The following TENM3 variants were observed in gnomAD, a reference collection of about 807,000 sequenced individuals.
The protein encoded by TENM3 is teneurin-3.
A neutral mutation model predicts 255.1 loss-of-function variants in TENM3; 63 were observed. That is an observed-to-expected ratio of 0.25 (90% CI 0.20 to 0.30). The LOEUF (loss-of-function observed/expected upper bound fraction) is 0.30, where lower values mean the gene tolerates loss of function less well. Among genes scored for constraint, TENM3 ranks in the 10% least tolerant of loss-of-function variants. TENM3 has a pLI of 1.00. For missense variants in TENM3, 2,929 were observed against 3,461.1 expected (o/e 0.85, Z 3.86); for synonymous variants, 1,306 against 1,322.3 (o/e 0.99, Z 0.27).
chr4:181,907,258 A>G, the TENM3 span, among the ~76,000 whole-genome samples: 1 of 152,238 alleles, frequency 6.6e-6, no homozygotes, highest in Non-Finnish European at 1.5e-5. Context: ...GGAGTGCAAC[A>G]GGGAGCCAGG....
chr4:182,744,116 T>TTTA (rs1491399810), intron 19 of TENM3: 3 of 781,712 alleles, frequency 3.8e-6, no homozygotes, highest in Non-Finnish European at 4.7e-6. Flanking sequence ...TTTTTTTTTT[T>TTTA]ACCTTTTTTT....
intron 1 of TENM3, among the ~76,000 whole-genome samples, chr4:182,217,145 C>T (rs1340310638): frequency 2.0e-5 from 3 of 150,306 alleles, no homozygotes; most frequent in South Asian, 2.1e-4. Context: ...CTCAGCCTCC[C>T]GAGCAGCTGG....
the TENM3 span, among the ~76,000 whole-genome samples, chr4:181,537,436 G>A: frequency 6.6e-6 from 1 of 152,126 alleles, no homozygotes; most frequent in Admixed American, 6.5e-5. Context: ...GAGCAAGTCA[G>A]TAAACCTCAC....
chr4:182,189,114 T>G (rs544895261), intron 1 of TENM3, among the ~76,000 whole-genome samples: 2 of 152,250 alleles, frequency 1.3e-5, no homozygotes, highest in African/African-American at 4.8e-5. Context: ...TTAAATGTAT[T>G]TTTTGTATTC....
chr4:182,295,157 T>A (rs1178822036), intron 1 of TENM3, among the ~76,000 whole-genome samples: 1 of 151,988 alleles, frequency 6.6e-6, no homozygotes, highest in Non-Finnish European at 1.5e-5. Context: ...TAATTAAATT[T>A]CCTGGAAAGA....
chr4:181,839,666 G>T, the TENM3 span, among the ~76,000 whole-genome samples: 1 of 150,916 alleles, frequency 6.6e-6, no homozygotes, highest in Non-Finnish European at 1.5e-5. Context: ...CGAGAAGTTT[G>T]GGGGTGCTTT....
the TENM3 span, among the ~76,000 whole-genome samples, chr4:181,711,592 CAATG>C: frequency 1.3e-5 from 2 of 152,156 alleles, no homozygotes; most frequent in Admixed American, 6.5e-5. Flanking sequence ...GCAATAAAGT[CAATG>C]AATGAATGGA....
At chr4:182,760,798 A>G (rs1763124296) in intron 22 of TENM3, among the ~76,000 whole-genome samples, 1 of 152,154 alleles carries the variant, frequency 6.6e-6, no homozygotes, top group Admixed American at 6.5e-5. Flanking sequence ...GCCCATGGCA[A>G]ACCCACGACT....
At chr4:181,851,431 T>A in the TENM3 span, among the ~76,000 whole-genome samples, 1 of 152,262 alleles carries the variant, frequency 6.6e-6, no homozygotes, top group East Asian at 1.9e-4. Context: ...GTTTTAGCAC[T>A]CCCAGAAGAG....
the TENM3 span, chr4:181,876,982 A>G: frequency 2.6e-5 from 4 of 152,158 alleles, no homozygotes; most frequent in East Asian, 7.7e-4. Context: ...TCTCAGAGTT[A>G]TTGGAAAGTG....
At chr4:182,420,991 C>A (rs1770793955) in intron 3 of TENM3, among the ~76,000 whole-genome samples, 1 of 152,150 alleles carries the variant, frequency 6.6e-6, no homozygotes, top group Admixed American at 6.5e-5. Context: ...AAGTCAAATG[C>A]CAAAGAAGTA....
intron 3 of TENM3, among the ~76,000 whole-genome samples, chr4:182,569,555 A>C (rs1744151123): frequency 7.6e-6 from 1 of 131,938 alleles, no homozygotes; most frequent in South Asian, 2.2e-4. Flanking sequence ...CTGTGTCTCA[A>C]AAAAAGAAAA....
intron 1 of TENM3, among the ~76,000 whole-genome samples, chr4:182,161,802 T>TAC (rs1459666521): frequency 4.3e-5 from 2 of 45,986 alleles, no homozygotes; most frequent in African/African-American, 2.1e-4. Context: ...TGTATATATA[T>TAC]ACACATATAT....
At chr4:181,655,587 GC>G in the TENM3 span, among the ~76,000 whole-genome samples, 2 of 152,192 alleles carry the variant, frequency 1.3e-5, no homozygotes, top group Non-Finnish European at 2.9e-5. Context: ...ATGGCCACCT[GC>G]CATGTGGTTT....
At chr4:182,784,535 G>A (rs1313447883) in intron 24 of TENM3, among the ~76,000 whole-genome samples, 1 of 151,844 alleles carries the variant, frequency 6.6e-6, no homozygotes, top group Non-Finnish European at 1.5e-5. Flanking sequence ...CCCAGAGGTG[G>A]AGCCTACAGA....
chr4:181,984,493 T>C, the TENM3 span, among the ~76,000 whole-genome samples: 1 of 151,970 alleles, frequency 6.6e-6, no homozygotes, highest in Admixed American at 6.6e-5. Flanking sequence ...TTCTTGTGAG[T>C]TGTTCTAGCC....
the TENM3 span, among the ~76,000 whole-genome samples, chr4:181,726,881 C>T: frequency 5.0e-4 from 76 of 152,350 alleles, no homozygotes; most frequent in African/African-American, 1.6e-3. Flanking sequence ...GACACTCCCT[C>T]TGGCTTCAAT....
the TENM3 span, among the ~76,000 whole-genome samples, chr4:181,546,710 T>C: frequency 2.9e-5 from 3 of 105,224 alleles, no homozygotes; most frequent in South Asian, 3.2e-4. Context: ...CGAGACTCCG[T>C]CTCAGAAAAA....
rs559157436 is a variant in TENM3, at chr4:182,543,950, A to T, written c.512-56974A>T. ...AAATAGACGAAGGAGGTTGCCTTTT[A>T]TTTTTATATTTAAGAACCAGAATAT... On this transcript the variant is annotated intron_variant, in intron 3 of 27. Transcript: ENST00000511685. 4.0e-4 allele frequency among the ~76,000 whole-genome samples: 61 copies of T among 152,250 alleles called. No individual in the cohort carries two copies. The Middle Eastern group carries it at 0.01, about 25-fold the overall frequency.
Sources: gnomAD v4.1 joint callset for allele counts (sites outside exome capture counted in the v4.1 genomes callset) on GRCh38, gnomAD v4.1.1 for gene constraint, MANE v1.5 for transcripts, NCBI Gene and HGNC (gene_info 2026-07-23, HGNC 2026-07-21) for gene names.